CUL5: variants seen among roughly 807,000 people sequenced by gnomAD.
The protein encoded by CUL5 is cullin-5.
CUL5 carries 26 observed loss-of-function variants against 108.8 expected under a neutral mutation model. The ratio of observed to expected loss-of-function variants is 0.24; its 90% CI spans 0.18 to 0.33. The LOEUF (loss-of-function observed/expected upper bound fraction) is 0.33, where lower values mean the gene tolerates loss of function less well. Among genes scored for constraint, CUL5 ranks in the 10% least tolerant of loss-of-function variants. The probability of loss-of-function intolerance (pLI) is 1.00; values close to 1 mark genes in which losing one functional copy is unlikely to be tolerated. For synonymous variants in CUL5, 334 were observed against 298.0 expected (o/e 1.12, Z -1.25); for missense variants, 524 against 909.2 (o/e 0.58, Z 5.45).
intron 1 of CUL5, among the ~76,000 whole-genome samples, chr11:108,019,534 A>C (rs1862279266): frequency 6.6e-6 from 1 of 152,188 alleles, no homozygotes; most frequent in Non-Finnish European, 1.5e-5. Context: ...ATAGGATTAT[A>C]ATGGGAGCTA....
At chr11:108,057,046 T>C (rs2135145304) in intron 7 of CUL5, among the ~76,000 whole-genome samples, 1 of 152,336 alleles carries the variant, frequency 6.6e-6, no homozygotes, top group Non-Finnish European at 1.5e-5. Flanking sequence ...TACAGTTTTA[T>C]AAGGTGAAAT....
Position 108,032,122 on chromosome 11 carries a change from A to G in CUL5, c.25-1680A>G, listed in dbSNP as rs561760754. On this transcript the variant is annotated intron_variant, in intron 1 of 18. Coordinates refer to ENST00000393094, the MANE Select transcript of CUL5 (RefSeq NM_003478.6). ...CAACAAATCCCCATGACACAAGTTT[A>G]CCTTTGTAACAAACCTGCACATCCT... Among the ~76,000 whole-genome samples, 4 of 152,310 alleles carry G rather than the reference A, an allele frequency of 2.6e-5. No individual in the cohort carries two copies. The East Asian group carries it at 7.7e-4, about 29-fold the overall frequency.
rs1864339762 is a variant in CUL5 at position 108,090,980 on chromosome 11, AAG to A, written c.1443+1358_1443+1359del. On this transcript the variant is annotated intron_variant, in intron 13 of 18. Transcript: ENST00000393094. ...CTGTCACTTATAAGTATATAGGAAAAAGGGGAAAATAGCAAAACTAATACATA... is the reference window on the plus strand; with the variant it reads ...CTGTCACTTATAAGTATATAGGAAAAGGGAAAATAGCAAAACTAATACATA... 2.6e-5 allele frequency among the ~76,000 whole-genome samples: 4 copies of A among 152,318 alleles called. No homozygotes were observed. In the South Asian group the frequency reaches 8.3e-4, roughly 32 times the overall value.
intron 11 of CUL5, among the ~76,000 whole-genome samples, chr11:108,086,239 C>T (rs993491355): frequency 6.6e-6 from 1 of 152,094 alleles, no homozygotes; most frequent in Non-Finnish European, 1.5e-5. Flanking sequence ...AAACAGCTTA[C>T]AACTGAAAAC....
At chr11:108,066,858 A>G (rs1360273808) in intron 7 of CUL5, among the ~76,000 whole-genome samples, 1 of 152,256 alleles carries the variant, frequency 6.6e-6, no homozygotes, top group African/African-American at 2.4e-5. Flanking sequence ...ATCTGTACAT[A>G]TGAACCATAC....
At chr11:108,015,396 A>G (rs1001023720) in intron 1 of CUL5, among the ~76,000 whole-genome samples, 2 of 152,232 alleles carry the variant, frequency 1.3e-5, no homozygotes, top group African/African-American at 4.8e-5. Flanking sequence ...ATCATCGGTG[A>G]ATGTGGTTAA....
chr11:108,074,160 A>C (rs531999318), intron 10 of CUL5: 26 of 132,266 alleles, frequency 2.0e-4, no homozygotes, highest in African/African-American at 7.1e-4. Flanking sequence ...CTCCAGTAGG[A>C]TTTTTTTCTC....
chr11:108,095,791 A>G, intron 16 of CUL5, 100 bp downstream of exon 16: 1 of 1,137,872 alleles, frequency 8.8e-7, no homozygotes, highest in Non-Finnish European at 1.3e-6. Context: ...ACAGTTTCAG[A>G]ATGTCTTATC....
At chr11:108,053,770 T>G (rs992582841) in intron 5 of CUL5, among the ~76,000 whole-genome samples, 48 of 151,416 alleles carry the variant, frequency 3.2e-4, no homozygotes, top group Non-Finnish European at 6.3e-4. Flanking sequence ...CCTCCACCTC[T>G]CAGGCTTAAG....
intron 1 of CUL5, among the ~76,000 whole-genome samples, chr11:108,020,417 G>T (rs1005491593): frequency 6.6e-6 from 1 of 152,086 alleles, no homozygotes; most frequent in Non-Finnish European, 1.5e-5. Flanking sequence ...TAGTGTGTAT[G>T]TGTGTCTTAG....
chr11:108,063,408 C>G (rs930272964), intron 7 of CUL5, among the ~76,000 whole-genome samples: 2 of 151,970 alleles, frequency 1.3e-5, no homozygotes, highest in Non-Finnish European at 2.9e-5. Flanking sequence ...CTGAATAGTA[C>G]TCCATTGTGT....
chr11:108,085,085 G>C (rs139611417), intron 11 of CUL5: 1 of 152,162 alleles, frequency 6.6e-6, no homozygotes, highest in African/African-American at 2.4e-5. Context: ...GTATACCAAA[G>C]AGAAATGAAA....
intron 11 of CUL5, among the ~76,000 whole-genome samples, chr11:108,082,354 C>T (rs964225721): frequency 2.0e-5 from 3 of 151,372 alleles, no homozygotes; most frequent in Admixed American, 2.0e-4. Context: ...AATCATGGCT[C>T]ACTGCAGTGT....
intron 1 of CUL5, among the ~76,000 whole-genome samples, chr11:108,025,041 T>G (rs552432809): frequency 2.6e-5 from 4 of 152,332 alleles, no homozygotes; most frequent in Middle Eastern, 3.4e-3. Flanking sequence ...TTTATCAAAT[T>G]AGAAAACATT....
chr11:108,080,711 T>C (rs1312697332), intron 11 of CUL5, among the ~76,000 whole-genome samples: 1 of 152,050 alleles, frequency 6.6e-6, no homozygotes, highest in East Asian at 1.9e-4. Context: ...CCATTTTTAA[T>C]TGGATTCTTT....
At chr11:108,037,370 A>G (rs1439972930) in intron 2 of CUL5, among the ~76,000 whole-genome samples, 1 of 152,216 alleles carries the variant, frequency 6.6e-6, no homozygotes, top group Non-Finnish European at 1.5e-5. Flanking sequence ...CCTCTTCATG[A>G]GTCCAACTTC....
chr11:108,023,429 G>A (rs1422605681), intron 1 of CUL5, among the ~76,000 whole-genome samples: 1 of 151,832 alleles, frequency 6.6e-6, no homozygotes, highest in East Asian at 1.9e-4. Context: ...ATTTCTACTT[G>A]TATTAATATT....
rs1004211588 is a variant in CUL5 at position 108,089,403 on chromosome 11, C to G, written c.1312-89C>G. 5.2e-5 allele frequency: 51 copies of G among 977,110 alleles called. No homozygotes were observed. In the African/African-American group the frequency reaches 8.2e-4, roughly 16 times the overall value. 60.5% of individuals were successfully genotyped at this position (977,110 alleles called of 1,614,324 possible). A position where few individuals can be genotyped will look rare whatever the true frequency, so the allele number is the denominator to read the frequency against. Reference sequence around the variant, plus strand: ...TGTATATGCTCATAAAAGTTTCTGACTTGTGACAATTGGTGGATATAGAAA... The same window carrying G: ...TGTATATGCTCATAAAAGTTTCTGAGTTGTGACAATTGGTGGATATAGAAA... On this transcript the variant is annotated intron_variant, in intron 12 of 18. Coordinates refer to ENST00000393094, the MANE Select transcript of CUL5 (RefSeq NM_003478.6).
At chr11:108,091,409 G>A (rs928430537) in intron 13 of CUL5, among the ~76,000 whole-genome samples, 6 of 151,862 alleles carry the variant, frequency 4.0e-5, no homozygotes, top group African/African-American at 1.4e-4. Context: ...TGACAAACAA[G>A]GCTAGGCATG....
Sources: allele counts gnomAD v4.1 joint callset (sites outside exome capture counted in the v4.1 genomes callset), GRCh38; gene constraint gnomAD v4.1.1; transcripts MANE v1.5; gene names NCBI Gene and HGNC (gene_info 2026-07-23, HGNC 2026-07-21).